Variants in EVC2 observed in about 807,000 individuals in gnomAD.
EVC2 encodes EvC ciliary complex subunit 2, also known as limbin.
In EVC2, 148 loss-of-function variants were observed where a neutral mutation model predicts 149.3. The observed-to-expected ratio is 0.99, with a 90% CI of 0.87 to 1.14. The LOEUF is 1.14. Among genes scored for constraint, EVC2 ranks in the 50% most tolerant of loss-of-function variants. The pLI is 0.00. For synonymous variants in EVC2, 776 were observed against 649.9 expected (o/e 1.19, Z -2.95); for missense variants, 1,854 against 1,627.3 (o/e 1.14, Z -2.40).
At chr4:5,665,206 A>C (rs1021643756) in intron 8 of EVC2, among the ~76,000 whole-genome samples, 2 of 152,116 alleles carry the variant, frequency 1.3e-5, no homozygotes, top group African/African-American at 4.8e-5. Context: ...GCTACCTGGA[A>C]GGCTGAAGCA....
At chr4:5,545,664 G>C (rs1721601205) in intron 21 of EVC2, among the ~76,000 whole-genome samples, 1 of 152,104 alleles carries the variant, frequency 6.6e-6, no homozygotes, top group Admixed American at 6.5e-5. Flanking sequence ...TATCATACTA[G>C]AGAGTCCCAA....
At chr4:5,580,350 C>A (rs1711641792) in intron 17 of EVC2, among the ~76,000 whole-genome samples, 5 of 152,192 alleles carry the variant, frequency 3.3e-5, no homozygotes, top group Admixed American at 3.3e-4. Context: ...ATCAGCTGTT[C>A]CCCACTCAGG....
intron 9 of EVC2, among the ~76,000 whole-genome samples, chr4:5,641,252 A>G (rs1220929019): frequency 1.3e-5 from 2 of 152,218 alleles, no homozygotes; most frequent in Non-Finnish European, 2.9e-5. Flanking sequence ...GGAATCCCAG[A>G]GCAAAAAAAA....
chr4:5,673,286 A>T (rs536087414), intron 7 of EVC2, among the ~76,000 whole-genome samples: 3 of 152,204 alleles, frequency 2.0e-5, no homozygotes, highest in Non-Finnish European at 4.4e-5. Context: ...GATGGAATGT[A>T]TATGTAAGAA....
chr4:5,593,070 A>G lies in EVC2; in HGVS notation c.2830-8220T>C, dbSNP rs564542864. ...TCTCCTTGCTGCTGCCATGTGAAGA[A>G]GTATATGTTTGCTTCCCACTTCTGC... On this transcript the variant is annotated intron_variant, in intron 16 of 21. Coordinates refer to ENST00000344408, the MANE Select transcript of EVC2 (RefSeq NM_147127.5). 2.0e-5 allele frequency among the ~76,000 whole-genome samples: 3 copies of G among 152,268 alleles called. No individual in the cohort carries two copies. In the East Asian group the frequency reaches 5.8e-4, roughly 29 times the overall value.
intron 9 of EVC2, among the ~76,000 whole-genome samples, chr4:5,661,716 T>TTAGA (rs1380277094): frequency 5.3e-5 from 8 of 152,230 alleles, no homozygotes; most frequent in Admixed American, 5.2e-4. Flanking sequence ...AGGTTATCTA[T>TTAGA]TAGACTGTGA....
the EVC2 span, among the ~76,000 whole-genome samples, chr4:5,533,825 C>A: frequency 6.6e-6 from 1 of 152,238 alleles, no homozygotes; most frequent in South Asian, 2.1e-4. Context: ...AGCTGAAACC[C>A]AAATGGCAGA....
chr4:5,593,791 G>C (rs1194406440), intron 16 of EVC2, among the ~76,000 whole-genome samples: 1 of 152,170 alleles, frequency 6.6e-6, no homozygotes, highest in Admixed American at 6.5e-5. Context: ...GGAAGCACAA[G>C]GGGTCAGGGA....
chr4:5,534,797 A>C, the EVC2 span, among the ~76,000 whole-genome samples: 3 of 143,312 alleles, frequency 2.1e-5, no homozygotes, highest in South Asian at 2.3e-4. Context: ...GTGGTCTGGC[A>C]CTTAGCATAG....
intron 16 of EVC2, among the ~76,000 whole-genome samples, chr4:5,592,737 A>C (rs1043385718): frequency 6.6e-6 from 1 of 152,214 alleles, no homozygotes; most frequent in African/African-American, 2.4e-5. Context: ...TAAGGAAGAA[A>C]GCCTCAAGTG....
At chr4:5,706,869 C>G (rs1426259547) in intron 1 of EVC2, among the ~76,000 whole-genome samples, 1 of 152,160 alleles carries the variant, frequency 6.6e-6, no homozygotes. Flanking sequence ...CCTGCAAAGG[C>G]AGGGGTTGCC....
At chr4:5,638,998 G>A (rs1431427816) in intron 10 of EVC2, among the ~76,000 whole-genome samples, 3 of 152,176 alleles carry the variant, frequency 2.0e-5, no homozygotes, top group Non-Finnish European at 4.4e-5. Flanking sequence ...AGGAAACTAG[G>A]ACAGGAGAAC....
At chr4:5,611,720 A>T (rs1214987233) in intron 16 of EVC2, among the ~76,000 whole-genome samples, 1 of 152,154 alleles carries the variant, frequency 6.6e-6, no homozygotes, top group African/African-American at 2.4e-5. Context: ...AAAGAAAACA[A>T]TATTCTGTAC....
At chr4:5,628,755 CAAG>C (rs1389042106) in intron 11 of EVC2, 21 bp from the exon 12 acceptor site, 2 of 1,499,640 alleles carry the variant, frequency 1.3e-6, no homozygotes, top group Non-Finnish European at 1.8e-6. Context: ...AAAAAAAAAA[CAAG>C]AAAATATGCC....
At chr4:5,704,172 T>C (rs1409390656) in intron 1 of EVC2, among the ~76,000 whole-genome samples, 2 of 152,032 alleles carry the variant, frequency 1.3e-5, no homozygotes, top group Non-Finnish European at 2.9e-5. Flanking sequence ...CAAGGGGAGA[T>C]GCAAGGAGGT....
At chr4:5,541,366 G>T (rs1721510530), downstream of EVC2, among the ~76,000 whole-genome samples, 1 of 152,210 alleles carries the variant, frequency 6.6e-6, no homozygotes, top group African/African-American at 2.4e-5. Context: ...AGTGCGTCCA[G>T]TGGTGACGAA....
At chr4:5,705,535 A>G (rs1029673356) in intron 1 of EVC2, among the ~76,000 whole-genome samples, 14 of 120,060 alleles carry the variant, frequency 1.2e-4, no homozygotes, top group African/African-American at 3.5e-4. Context: ...ATTAACATAA[A>G]TAGCATTTTT....
intron 16 of EVC2, among the ~76,000 whole-genome samples, chr4:5,604,552 T>C (rs191745329): frequency 1.3e-5 from 2 of 152,060 alleles, no homozygotes; most frequent in African/African-American, 2.4e-5. Flanking sequence ...GTGGGGAAGG[T>C]TGTGGGGGAG....
intron 15 of EVC2, among the ~76,000 whole-genome samples, chr4:5,615,983 C>T (rs1715217286): frequency 6.6e-6 from 1 of 152,202 alleles, no homozygotes; most frequent in South Asian, 2.1e-4. Flanking sequence ...ACACTAGGAG[C>T]AGAGCCACGT....
Sources: gnomAD v4.1 joint callset for allele counts (sites outside exome capture counted in the v4.1 genomes callset) on GRCh38, gnomAD v4.1.1 for gene constraint, MANE v1.5 for transcripts, NCBI Gene and HGNC (gene_info 2026-07-23, HGNC 2026-07-21) for gene names.